The following TTC7B variants were observed in gnomAD, a reference collection of about 807,000 sequenced individuals.
TTC7B encodes tetratricopeptide repeat domain 7B.
In TTC7B, 28 loss-of-function variants were observed where a neutral mutation model predicts 106.8. That is an observed-to-expected ratio of 0.26 (90% CI 0.19 to 0.36). TTC7B has a LOEUF of 0.36. Among genes scored for constraint, TTC7B ranks in the 10% least tolerant of loss-of-function variants. The probability of loss-of-function intolerance (pLI) is 1.00; values close to 1 mark genes in which losing one functional copy is unlikely to be tolerated. For synonymous variants in TTC7B, 405 were observed against 430.6 expected (o/e 0.94, Z 0.74); for missense variants, 862 against 1,076.4 (o/e 0.80, Z 2.79).
chr14:90,748,698 T>G (rs1890045579), intron 3 of TTC7B, among the ~76,000 whole-genome samples: 1 of 152,122 alleles, frequency 6.6e-6, no homozygotes, highest in Non-Finnish European at 1.5e-5. Flanking sequence ...TACTTCCATT[T>G]CTCCCCTCCC....
At chr14:90,662,922 T>A (rs1393730820) in intron 9 of TTC7B, among the ~76,000 whole-genome samples, 1 of 152,334 alleles carries the variant, frequency 6.6e-6, no homozygotes, top group Middle Eastern at 3.4e-3. Flanking sequence ...GAAATAAATA[T>A]CTTTACAAAA....
At chr14:90,688,616 T>G (rs1887340296) in intron 7 of TTC7B, among the ~76,000 whole-genome samples, 1 of 91,654 alleles carries the variant, frequency 1.1e-5, no homozygotes, top group Non-Finnish European at 1.9e-5. Flanking sequence ...AGAGAGGCTC[T>G]GTCTCAAAAA....
intron 19 of TTC7B, among the ~76,000 whole-genome samples, chr14:90,548,724 T>C (rs1380186378): frequency 1.3e-5 from 2 of 152,196 alleles, no homozygotes; most frequent in African/African-American, 4.8e-5. Context: ...AGAAACTTGA[T>C]GAGAGCAGCA....
At chr14:90,754,746 C>T (rs1416181364) in intron 3 of TTC7B, among the ~76,000 whole-genome samples, 1 of 152,176 alleles carries the variant, frequency 6.6e-6, no homozygotes, top group Non-Finnish European at 1.5e-5. Flanking sequence ...CTACCCTTCT[C>T]CCAGCCCCCG....
intron 18 of TTC7B, among the ~76,000 whole-genome samples, chr14:90,580,512 G>T (rs1169403354): frequency 6.6e-6 from 1 of 152,156 alleles, no homozygotes; most frequent in Non-Finnish European, 1.5e-5. Flanking sequence ...CTCTGGCCCA[G>T]GGTGATATCC....
In TTC7B at chr14:90,528,870, A is replaced by T. The variant is rs894233789; in HGVS notation, c.*12498T>A. 2.0e-5 allele frequency: 3 copies of T among 153,192 alleles called. No homozygotes were observed. The highest frequency in any genetic ancestry group is 7.3e-5 in the African/African-American group (3 of 41,326). The allele number at this position is 153,192 out of a possible 1,614,324, so 9.5% of individuals were successfully genotyped here. ...GACTGCGCTTCGTTACCCATTTCCG[A>T]TGGTGTGACCTGACTACGCTTTGTT... On this transcript the variant is annotated 3_prime_UTR_variant, in exon 20 of 20. Transcript: ENST00000328459.
At chr14:90,561,794 G>A (rs1474904818) in intron 19 of TTC7B, among the ~76,000 whole-genome samples, 1 of 152,208 alleles carries the variant, frequency 6.6e-6, no homozygotes, top group Non-Finnish European at 1.5e-5. Flanking sequence ...AAGAGGGCTG[G>A]CTACAGCCCT....
intron 18 of TTC7B, among the ~76,000 whole-genome samples, chr14:90,589,721 C>T (rs1891873719): frequency 6.6e-6 from 1 of 152,144 alleles, no homozygotes; most frequent in African/African-American, 2.4e-5. Flanking sequence ...GCGGTGAAAG[C>T]TGTTTTCTTC....
At chr14:90,605,802 A>G in intron 17 of TTC7B, 3 of 1,201,452 alleles carry the variant, frequency 2.5e-6, no homozygotes, top group Non-Finnish European at 3.2e-6. Context: ...CAAAAAAAAA[A>G]CTTTAGAAAC....
At chr14:90,745,282 G>A (rs1889918613) in intron 3 of TTC7B, among the ~76,000 whole-genome samples, 1 of 129,368 alleles carries the variant, frequency 7.7e-6, no homozygotes, top group East Asian at 2.2e-4. Flanking sequence ...GGCAATAGAT[G>A]GAGACCCTGT....
intron 4 of TTC7B, among the ~76,000 whole-genome samples, chr14:90,738,715 T>C (rs1003319509): frequency 6.6e-6 from 1 of 151,718 alleles, no homozygotes; most frequent in Non-Finnish European, 1.5e-5. Context: ...CCTTAGGAAA[T>C]AATGTGAAGC....
chr14:90,660,410 A>AAG (rs1469253439), intron 9 of TTC7B, among the ~76,000 whole-genome samples: 2 of 150,026 alleles, frequency 1.3e-5, no homozygotes, highest in African/African-American at 4.9e-5. Context: ...AAAAAAAAAA[A>AAG]AAAAAAAAAA....
intron 3 of TTC7B, among the ~76,000 whole-genome samples, chr14:90,769,055 GA>G (rs1430656472): frequency 2.6e-5 from 4 of 152,164 alleles, no homozygotes; most frequent in African/African-American, 9.6e-5. Flanking sequence ...GGTGGGGATA[GA>G]GCTTTACAGG....
intron 1 of TTC7B, 96 bp downstream of exon 1, chr14:90,816,079 C>A: frequency 2.0e-6 from 2 of 979,162 alleles, no homozygotes; most frequent in South Asian, 9.2e-5. Flanking sequence ...CGGCCGCGCC[C>A]CTGCCCGCGC....
chr14:90,789,683 T>G (rs1165042202), intron 1 of TTC7B, among the ~76,000 whole-genome samples: 4 of 151,924 alleles, frequency 2.6e-5, no homozygotes, highest in African/African-American at 9.7e-5. Flanking sequence ...GATCATGAGG[T>G]CAGGAGATCA....
intron 18 of TTC7B, among the ~76,000 whole-genome samples, chr14:90,584,678 C>T (rs557903346): frequency 1.8e-4 from 28 of 151,954 alleles, no homozygotes; most frequent in Admixed American, 1.6e-3. Flanking sequence ...GGCAGAGAAA[C>T]GTGACGGAAA....
chr14:90,622,431 T>A (rs1884247308), intron 15 of TTC7B, among the ~76,000 whole-genome samples: 3 of 150,254 alleles, frequency 2.0e-5, no homozygotes, highest in Middle Eastern at 3.4e-3. Context: ...GAATCTAATT[T>A]AAAAAATTTA....
intron 15 of TTC7B, among the ~76,000 whole-genome samples, chr14:90,623,041 A>C (rs74522087): frequency 9.9e-5 from 15 of 152,158 alleles, no homozygotes; most frequent in African/African-American, 3.4e-4. Flanking sequence ...TATTCTTTCC[A>C]TCCATTTCTG....
chr14:90,590,688 C>T (rs1407773415), intron 18 of TTC7B, among the ~76,000 whole-genome samples: 1 of 152,184 alleles, frequency 6.6e-6, no homozygotes, highest in Non-Finnish European at 1.5e-5. Context: ...AAGGTAAAAT[C>T]TGGCAGTGCA....
Sources: allele counts gnomAD v4.1 joint callset (sites outside exome capture counted in the v4.1 genomes callset), GRCh38; gene constraint gnomAD v4.1.1; transcripts MANE v1.5; gene names NCBI Gene and HGNC (gene_info 2026-07-23, HGNC 2026-07-21).